PVALEF: variants seen among roughly 807,000 people sequenced by gnomAD.
The protein encoded by PVALEF is parvalbumin like EF-hand containing.
PVALEF carries 2 observed loss-of-function variants against 1.2 expected under a neutral mutation model. The ratio of observed to expected loss-of-function variants is 1.68; its 90% CI spans 0.69 to 5.28. The LOEUF (loss-of-function observed/expected upper bound fraction) is 5.28. Among genes scored for constraint, PVALEF ranks in the 30% most tolerant of loss-of-function variants. The pLI is 0.06. For synonymous variants in PVALEF, 16 were observed against 6.5 expected (o/e 2.47, Z -2.24); for missense variants, 35 against 17.7 (o/e 1.97, Z -1.75).
At chr17:81,176,959 T>C (rs2061537731) in intron 2 of PVALEF, among the ~76,000 whole-genome samples, 1 of 137,536 alleles carries the variant, frequency 7.3e-6, no homozygotes, top group Admixed American at 7.8e-5. Context: ...CAGAGTCTCC[T>C]TTTGTCACCC....
chr17:81,175,749 T>C (rs973369413), intron 2 of PVALEF, among the ~76,000 whole-genome samples: 3 of 152,176 alleles, frequency 2.0e-5, no homozygotes, highest in African/African-American at 7.2e-5. Context: ...AATAATGAAA[T>C]TGGGCCCTTA....
intron 3 of PVALEF, among the ~76,000 whole-genome samples, chr17:81,180,839 G>A (rs1014325073): frequency 6.6e-6 from 1 of 152,088 alleles, no homozygotes; most frequent in Non-Finnish European, 1.5e-5. Flanking sequence ...CTACCACCCT[G>A]TGAACTTTCA....
chr17:81,172,169 G>A (rs757639122), intron 2 of PVALEF, among the ~76,000 whole-genome samples: 3 of 152,230 alleles, frequency 2.0e-5, no homozygotes, highest in Non-Finnish European at 4.4e-5. Flanking sequence ...TGGACGGACT[G>A]CAGTGTGTTT....
intron 3 of PVALEF, among the ~76,000 whole-genome samples, chr17:81,180,633 C>T (rs1379230128): frequency 2.0e-5 from 3 of 152,122 alleles, no homozygotes; most frequent in Non-Finnish European, 4.4e-5. Flanking sequence ...CTGGAGGCAC[C>T]GAGGGTTGGG....
chr17:81,168,598 G>A lies in PVALEF; in HGVS notation c.-340+1754G>A, dbSNP rs960710344. ...GAGGTCCCTGAAGACATAGCTGTCTGCTATCCCCCGGCCTGGGGGAAGGCA... is the reference window on the plus strand; with the variant it reads ...GAGGTCCCTGAAGACATAGCTGTCTACTATCCCCCGGCCTGGGGGAAGGCA... On this transcript the variant is annotated intron_variant, in intron 2 of 6. Transcript: ENST00000637878. Among the ~76,000 whole-genome samples, 5 of 152,166 alleles carry A rather than the reference G, an allele frequency of 3.3e-5. No homozygotes were observed. In the South Asian group the frequency reaches 6.2e-4, roughly 19 times the overall value.
At chr17:81,170,131 T>C (rs574799157) in intron 2 of PVALEF, among the ~76,000 whole-genome samples, 38 of 149,282 alleles carry the variant, frequency 2.5e-4, no homozygotes, top group Non-Finnish European at 4.4e-4. Context: ...GGCATGTGTG[T>C]GTTGGTGTGG....
At chr17:81,171,558 C>T (rs1274911739) in intron 2 of PVALEF, among the ~76,000 whole-genome samples, 1 of 152,204 alleles carries the variant, frequency 6.6e-6, no homozygotes, top group Non-Finnish European at 1.5e-5. Flanking sequence ...GTGACGCCAT[C>T]TCGGCTCACT....
chr17:81,168,816 C>A (rs2061508295), intron 2 of PVALEF, among the ~76,000 whole-genome samples: 1 of 152,138 alleles, frequency 6.6e-6, no homozygotes, highest in Admixed American at 6.5e-5. Flanking sequence ...GGATTAGAGA[C>A]CAGAGTGAGG....
At chr17:81,169,717 GTCA>G (rs2061511581) in intron 2 of PVALEF, among the ~76,000 whole-genome samples, 1 of 151,566 alleles carries the variant, frequency 6.6e-6, no homozygotes, top group African/African-American at 2.4e-5. Flanking sequence ...TGCCTGCATC[GTCA>G]CATAGTCGTG....
intron 2 of PVALEF, among the ~76,000 whole-genome samples, chr17:81,170,187 A>G (rs1280424011): frequency 6.7e-6 from 1 of 149,144 alleles, no homozygotes; most frequent in East Asian, 2.0e-4. Context: ...GTGTGTGTGC[A>G]TGTGTCTTTG....
Position 81,182,958 on chromosome 17 carries a change from G to C in PVALEF, c.359-7G>C, listed in dbSNP as rs1394877018. On this transcript the variant is annotated splice_region_variant and splice_polypyrimidine_tract_variant and intron_variant, in intron 6 of 6. Coordinates refer to ENST00000637878, the MANE Select transcript of PVALEF (RefSeq NM_001354639.2). Reference sequence around the variant, plus strand: ...GGTACTTACTTTAAATTGGTCTCCTGCTCTAGAATTTTCTGAATTGATCAA... The same window carrying C: ...GGTACTTACTTTAAATTGGTCTCCTCCTCTAGAATTTTCTGAATTGATCAA... 2.5e-6 allele frequency: 1 copy of C among 398,558 alleles called. No homozygotes were observed. The highest frequency in any genetic ancestry group is 4.4e-6 in the Non-Finnish European group (1 of 226,086). 24.7% of individuals were successfully genotyped at this position (398,558 alleles called of 1,614,324 possible). A position where few individuals can be genotyped will look rare whatever the true frequency, so the allele number is the denominator to read the frequency against.
At chr17:81,172,170 C>T (rs1222899715) in intron 2 of PVALEF, among the ~76,000 whole-genome samples, 4 of 152,206 alleles carry the variant, frequency 2.6e-5, no homozygotes, top group Non-Finnish European at 5.9e-5. Flanking sequence ...GGACGGACTG[C>T]AGTGTGTTTA....
intron 3 of PVALEF, among the ~76,000 whole-genome samples, chr17:81,179,945 C>G (rs773726859): frequency 2.6e-5 from 4 of 152,190 alleles, no homozygotes; most frequent in African/African-American, 4.8e-5. Context: ...GGGCAGCCCC[C>G]AGAATCTGAG....
chr17:81,167,017 T>C (rs1173980005), intron 2 of PVALEF, among the ~76,000 whole-genome samples, 173 bp downstream of exon 2: 1 of 152,096 alleles, frequency 6.6e-6, no homozygotes, highest in East Asian at 1.9e-4. Flanking sequence ...TGGAAGCTGG[T>C]CCCAGTGGCT....
intron 2 of PVALEF, among the ~76,000 whole-genome samples, chr17:81,174,012 T>C (rs1350452150): frequency 6.6e-6 from 1 of 152,212 alleles, no homozygotes; most frequent in Admixed American, 6.5e-5. Flanking sequence ...ATTTGATCAG[T>C]GTGATACACC....
chr17:81,165,832 G>A (rs921921104), intron 1 of PVALEF, 85 bp downstream of exon 1: 3 of 1,515,112 alleles, frequency 2.0e-6, no homozygotes, highest in East Asian at 2.5e-5. Flanking sequence ...GCTCGGGGCG[G>A]GGAAAGGGTT....
intron 2 of PVALEF, among the ~76,000 whole-genome samples, chr17:81,170,186 CAT>C (rs1350203832): frequency 6.7e-6 from 1 of 149,036 alleles, no homozygotes; most frequent in African/African-American, 2.5e-5. Context: ...GGTGTGTGTG[CAT>C]GTGTCTTTGC....
intron 2 of PVALEF, among the ~76,000 whole-genome samples, chr17:81,173,088 C>T (rs2061526036): frequency 6.6e-6 from 1 of 152,182 alleles, no homozygotes; most frequent in African/African-American, 2.4e-5. Flanking sequence ...TGATGTGTAC[C>T]TGTTCTGGTC....
chr17:81,181,095 G>A lies in PVALEF; in HGVS notation c.-104-28G>A, dbSNP rs1476070698. On this transcript the variant is annotated intron_variant, in intron 3 of 6. Transcript: ENST00000637878. Reference sequence around the variant, plus strand: ...GGCCCTGGCATGACCCCAACACTGTGACGCCTGTCACCATTCCCACTTTAC... The same window carrying A: ...GGCCCTGGCATGACCCCAACACTGTAACGCCTGTCACCATTCCCACTTTAC... 3.0e-5 allele frequency: 19 copies of A among 627,320 alleles called. No homozygotes were observed. In the East Asian group the frequency reaches 5.5e-4, roughly 18 times the overall value. The allele number at this position is 627,320 out of a possible 1,614,324, so 38.9% of individuals were successfully genotyped here.
Sources: gnomAD v4.1 joint callset for allele counts (sites outside exome capture counted in the v4.1 genomes callset) on GRCh38, gnomAD v4.1.1 for gene constraint, MANE v1.5 for transcripts, NCBI Gene and HGNC (gene_info 2026-07-23, HGNC 2026-07-21) for gene names.